The following CAST variants were observed in gnomAD, a reference collection of about 807,000 sequenced individuals.
CAST encodes MIR583 host.
CAST carries 76 observed loss-of-function variants against 119.6 expected under a neutral mutation model. The observed-to-expected ratio is 0.64, with a 90% CI of 0.53 to 0.77. The LOEUF (loss-of-function observed/expected upper bound fraction) is 0.77, where lower values mean the gene tolerates loss of function less well. CAST is among the 30% of genes least tolerant of loss of function. The pLI is 0.00. For missense variants in CAST, 953 were observed against 946.5 expected (o/e 1.01, Z -0.09); for synonymous variants, 319 against 331.6 (o/e 0.96, Z 0.41).
the CAST span, among the ~76,000 whole-genome samples, chr5:96,107,458 T>G: frequency 8.5e-5 from 13 of 152,196 alleles, no homozygotes; most frequent in Admixed American, 2.0e-4. Context: ...GTCTGTAAAG[T>G]ATTTTATTTC....
chr5:96,274,583 T>C, the CAST span, among the ~76,000 whole-genome samples: 2 of 152,264 alleles, frequency 1.3e-5, no homozygotes, highest in Non-Finnish European at 2.9e-5. Flanking sequence ...ACTATTAAAG[T>C]TGCCCTTAGG....
In CAST at chr5:96,622,857, C is replaced by CTTTTTTTTTTT. The variant is rs5869727; in HGVS notation, c.61-52668_61-52658dup. On this transcript the variant is annotated intron_variant, in intron 1 of 11. Coordinates refer to the CAST transcript ENST00000505143. ...TAAGAAGTTAAGGACTTATGGGACT[C>CTTTTTTTTTTT]TTTTTTTTTTTTTTTTTTTTTTTTG... 3.6e-3 allele frequency among the ~76,000 whole-genome samples: 231 copies of CTTTTTTTTTTT among 64,476 alleles called. 48 individuals carry two copies. Among genetic ancestry groups the CTTTTTTTTTTT allele is most frequent in the African/African-American group, 0.013 (179 of 13,850 alleles). 42.3% of individuals were successfully genotyped at this position (64,476 alleles called of 152,430 possible). A position where few individuals can be genotyped will look rare whatever the true frequency, so the allele number is the denominator to read the frequency against.
the CAST span, among the ~76,000 whole-genome samples, chr5:96,473,323 G>A: frequency 1.3e-5 from 2 of 152,326 alleles, no homozygotes. Flanking sequence ...AAGATACTGT[G>A]AGAAAAATAA....
chr5:96,466,064 A>G, the CAST span, among the ~76,000 whole-genome samples: 2 of 152,062 alleles, frequency 1.3e-5, no homozygotes, highest in Non-Finnish European at 2.9e-5. Flanking sequence ...GCCACAATAT[A>G]CTTACTTGTT....
chr5:96,334,533 G>A, the CAST span, among the ~76,000 whole-genome samples: 2 of 152,198 alleles, frequency 1.3e-5, no homozygotes, highest in Non-Finnish European at 2.9e-5. Context: ...TCAGCCTGCT[G>A]CACAACTTTC....
the CAST span, among the ~76,000 whole-genome samples, chr5:96,290,376 A>G: frequency 6.6e-6 from 1 of 152,328 alleles, no homozygotes; most frequent in East Asian, 1.9e-4. Flanking sequence ...CAATTTTCAT[A>G]AGGCAATGAG....
chr5:96,241,892 C>T, the CAST span, among the ~76,000 whole-genome samples: 1 of 145,278 alleles, frequency 6.9e-6, no homozygotes, highest in African/African-American at 2.5e-5. Flanking sequence ...ATGTCCTTCG[C>T]CCACTTTTTG....
chr5:96,642,563 C>T (rs1245840040), intron 1 of CAST, among the ~76,000 whole-genome samples: 2 of 140,536 alleles, frequency 1.4e-5, no homozygotes, highest in Non-Finnish European at 3.1e-5. Flanking sequence ...TTTTTTGAGA[C>T]AAGATTTTGC....
At chr5:96,051,870 A>G in the CAST span, among the ~76,000 whole-genome samples, 1 of 152,350 alleles carries the variant, frequency 6.6e-6, no homozygotes, top group East Asian at 1.9e-4. Context: ...TACATACAAC[A>G]ACCAGATTAA....
chr5:96,431,304 CATT>C, the CAST span, among the ~76,000 whole-genome samples: 1 of 152,240 alleles, frequency 6.6e-6, no homozygotes, highest in African/African-American at 2.4e-5. Context: ...TCTCCGATCT[CATT>C]ATGTGCTCCT....
chr5:96,191,838 G>A, the CAST span, among the ~76,000 whole-genome samples: 4 of 152,196 alleles, frequency 2.6e-5, no homozygotes, highest in African/African-American at 9.7e-5. Flanking sequence ...AAAGTGCTGG[G>A]ATTACAGGCG....
the CAST span, among the ~76,000 whole-genome samples, chr5:96,102,551 C>A: frequency 6.6e-6 from 1 of 152,078 alleles, no homozygotes; most frequent in Non-Finnish European, 1.5e-5. Context: ...TCACTTTGGG[C>A]CGTGGGTTTC....
At chr5:96,621,803 C>CT (rs1226514119) in intron 1 of CAST, among the ~76,000 whole-genome samples, 3 of 152,080 alleles carry the variant, frequency 2.0e-5, no homozygotes, top group Non-Finnish European at 4.4e-5. Context: ...CTCCTTCTAT[C>CT]TTACTGTTGA....
At chr5:96,652,538 T>C (rs1175858804) in intron 1 of CAST, among the ~76,000 whole-genome samples, 1 of 152,140 alleles carries the variant, frequency 6.6e-6, no homozygotes, top group Non-Finnish European at 1.5e-5. Context: ...ACAGCACACC[T>C]ACAGAGAGGA....
Position 96,754,552 on chromosome 5 carries a change from C to G in CAST, c.1627-106C>G, listed in dbSNP as rs186632540. On this transcript the variant is annotated intron_variant, in intron 21 of 31. Transcript: ENST00000675179. ...ACTAAGCATACGGTCATATGTACTT[C>G]CTAACCTAATGATAGATTTGTTTAC... 1.2e-3 allele frequency: 863 copies of G among 723,806 alleles called. 2 individuals are homozygous for G. Among genetic ancestry groups the G allele is most frequent in the Non-Finnish European group, 1.5e-3 (599 of 409,248 alleles). 44.8% of individuals were successfully genotyped at this position (723,806 alleles called of 1,614,324 possible). A position where few individuals can be genotyped will look rare whatever the true frequency, so the allele number is the denominator to read the frequency against.
the CAST span, among the ~76,000 whole-genome samples, chr5:96,418,241 C>T: frequency 2.0e-5 from 3 of 152,086 alleles, no homozygotes; most frequent in Non-Finnish European, 2.9e-5. Flanking sequence ...CTTTATAGGC[C>T]GCAGCTCTTT....
chr5:96,559,949 A>C (rs2150184322), intron 1 of CAST, among the ~76,000 whole-genome samples: 1 of 152,360 alleles, frequency 6.6e-6, no homozygotes, highest in Non-Finnish European at 1.5e-5. Flanking sequence ...ACCTGCCTTC[A>C]AACTATACTT....
the CAST span, among the ~76,000 whole-genome samples, chr5:96,485,156 G>A: frequency 6.6e-6 from 1 of 152,162 alleles, no homozygotes; most frequent in Non-Finnish European, 1.5e-5. Context: ...AAATGTCACA[G>A]AGGATAGGCC....
the CAST span, among the ~76,000 whole-genome samples, chr5:95,981,118 G>T: frequency 1.3e-5 from 2 of 152,294 alleles, no homozygotes; most frequent in African/African-American, 4.8e-5. Flanking sequence ...CCCCACCCCA[G>T]CAAAGCAGGG....
Sources: gnomAD v4.1 joint callset for allele counts (sites outside exome capture counted in the v4.1 genomes callset) on GRCh38, gnomAD v4.1.1 for gene constraint, MANE v1.5 for transcripts, NCBI Gene and HGNC (gene_info 2026-07-23, HGNC 2026-07-21) for gene names.